ZC3H18: variants seen among roughly 807,000 people sequenced by gnomAD.
The protein encoded by ZC3H18 is zinc finger CCCH domain-containing protein 18.
ZC3H18 carries 8 observed loss-of-function variants against 106.1 expected under a neutral mutation model. The observed-to-expected ratio is 0.08, with a 90% CI of 0.04 to 0.14. The LOEUF is 0.14. Among genes scored for constraint, ZC3H18 ranks in the 10% least tolerant of loss-of-function variants. The pLI is 1.00. For synonymous variants in ZC3H18, 635 were observed against 522.1 expected (o/e 1.22, Z -2.95); for missense variants, 1,318 against 1,278.4 (o/e 1.03, Z -0.47).
chr16:88,583,901 GA>G lies in ZC3H18; in HGVS notation c.604-2697del, dbSNP rs1387442617. On this transcript the variant is annotated intron_variant, in intron 2 of 17. Coordinates refer to ENST00000301011, the MANE Select transcript of ZC3H18 (RefSeq NM_144604.4). ...CTCTGTGGCTCGGGTCACATGAGCA[GA>G]AGGCCATCGGCGTGAGGGAAACCAG... 3.3e-5 allele frequency among the ~76,000 whole-genome samples: 5 copies of G among 152,170 alleles called. No individual in the cohort carries two copies. The East Asian group carries it at 5.8e-4, about 18-fold the overall frequency.
intron 1 of ZC3H18, among the ~76,000 whole-genome samples, chr16:88,574,211 T>C (rs1171822491): frequency 6.6e-6 from 1 of 151,648 alleles, no homozygotes; most frequent in East Asian, 1.9e-4. Context: ...TTTAAATGAT[T>C]TGAATTTTCT....
intron 2 of ZC3H18, among the ~76,000 whole-genome samples, chr16:88,583,631 C>T (rs1915267694): frequency 6.6e-6 from 1 of 152,296 alleles, no homozygotes. Context: ...GCCTGGTGTC[C>T]TTTATCCACG....
chr16:88,577,888 T>C (rs144400224), intron 2 of ZC3H18, among the ~76,000 whole-genome samples, 162 bp downstream of exon 2: 3 of 152,248 alleles, frequency 2.0e-5, no homozygotes, highest in African/African-American at 7.2e-5. Context: ...CCCATAGTGA[T>C]TGGAGAGAAA....
intron 6 of ZC3H18, among the ~76,000 whole-genome samples, chr16:88,605,620 C>A (rs1904975076): frequency 6.6e-6 from 1 of 152,260 alleles, no homozygotes; most frequent in Admixed American, 6.5e-5. Context: ...ATGCAAGTTG[C>A]ATTTCATTGT....
In ZC3H18 at chr16:88,624,770, C is replaced by T. The variant is rs752710170; in HGVS notation, c.2042+25C>T. The T allele has an allele frequency of 8.2e-6, 13 of 1,592,686 alleles. No individual in the cohort carries two copies. The South Asian group carries it at 1.3e-4, about 17-fold the overall frequency. ...GGTGAGCACTCCGGCGTCCGGGGCC[C>T]TCAGGCTTTCCGTGTTCTTGGTGCC... On this transcript the variant is annotated intron_variant, in intron 12 of 17. Coordinates refer to ENST00000301011, the MANE Select transcript of ZC3H18 (RefSeq NM_144604.4).
intron 6 of ZC3H18, among the ~76,000 whole-genome samples, chr16:88,600,866 T>TA (rs1904712483): frequency 6.6e-6 from 1 of 152,240 alleles, no homozygotes; most frequent in Non-Finnish European, 1.5e-5. Context: ...GGAACTGGAT[T>TA]ATAATTCGGG....
intron 17 of ZC3H18, 34 bp downstream of exon 17, chr16:88,630,615 C>T (rs555414193): frequency 7.7e-6 from 12 of 1,554,906 alleles, no homozygotes; most frequent in Middle Eastern, 1.8e-4. Context: ...CTGGGCACAC[C>T]GAGGGGGCCA....
At chr16:88,579,853 A>G (rs1914999823) in intron 2 of ZC3H18, among the ~76,000 whole-genome samples, 1 of 152,184 alleles carries the variant, frequency 6.6e-6, no homozygotes, top group Admixed American at 6.5e-5. Context: ...ACACCAGCAC[A>G]GGTGGACCTT....
Position 88,623,046 on chromosome 16 carries a change from G to C in ZC3H18, c.1668-173G>C. ...GAGGGATGGCACTGAAGAGTGTCTG[G>C]GGGAGGCTGTATGCGTCTGTGCGCG... On this transcript the variant is annotated intron_variant, in intron 9 of 17. Coordinates refer to ENST00000301011, the MANE Select transcript of ZC3H18 (RefSeq NM_144604.4). 5.9e-6 allele frequency: 5 copies of C among 852,840 alleles called. No homozygotes were observed. In the East Asian group the frequency reaches 1.4e-4, roughly 23 times the overall value. The allele number at this position is 852,840 out of a possible 1,614,324, so 52.8% of individuals were successfully genotyped here. A position where few individuals can be genotyped will look rare whatever the true frequency, so the allele number is the denominator to read the frequency against.
intron 8 of ZC3H18, among the ~76,000 whole-genome samples, chr16:88,616,815 C>T (rs991469288): frequency 5.3e-5 from 8 of 152,134 alleles, no homozygotes; most frequent in Admixed American, 1.3e-4. Flanking sequence ...AAGCAGAACA[C>T]GAATGAGGGG....
Position 88,577,421 on chromosome 16 carries a change from G to A in ZC3H18, c.298G>A (p.Glu100Lys), listed in dbSNP as rs376024897. Residue 100 changes from glutamate to lysine, a missense_variant, in exon 2 of 18, where the codon GAG (glutamate) becomes AAG (lysine). Around this residue, in one of 6 missense-constraint regions of ZC3H18, gnomAD observed 346 missense variants for 269.0 expected, o/e 1.29. Coordinates refer to ENST00000301011, the MANE Select transcript of ZC3H18 (RefSeq NM_144604.4). The part of the protein sequence containing the change: ...RGPTSSPCEE[E>K]GDEGEEDRTS... ...CCCGACCAGCTCCCCCTGCGAGGAG[G>A]AGGGGGACGAAGGGGAGGAAGACCG... 1.4e-5 allele frequency: 22 copies of A among 1,605,654 alleles called. No individual in the cohort carries two copies. The highest frequency in any genetic ancestry group is 1.9e-5 in the Non-Finnish European group (22 of 1,174,930).
Position 88,627,528 on chromosome 16 carries a change from A to G in ZC3H18, c.2109-94A>G. On this transcript the variant is annotated intron_variant, in intron 13 of 17. Coordinates refer to ENST00000301011, the MANE Select transcript of ZC3H18 (RefSeq NM_144604.4). This position sits in a 1 kb window ranked among gnomAD's most constrained non-coding sequence, Gnocchi z 4.5. ...CATTCCGTGGGTACATGATCCATAA[A>G]TGGACACTGCGTAAAAGTGGACCAT... is the stretch of plus-strand genomic sequence containing the variant. 1.3e-6 allele frequency: 2 copies of G among 1,491,268 alleles called. No individual in the cohort carries two copies. The highest frequency in any genetic ancestry group is 2.3e-5 in the East Asian group (1 of 43,684). The allele number at this position is 1,491,268 out of a possible 1,614,324, so 92.4% of individuals were successfully genotyped here.
At chr16:88,579,525 C>T (rs1914978883) in intron 2 of ZC3H18, among the ~76,000 whole-genome samples, 1 of 152,172 alleles carries the variant, frequency 6.6e-6, no homozygotes, top group Non-Finnish European at 1.5e-5. Context: ...ACTGTGAGTT[C>T]TCAGTGCCGC....
intron 6 of ZC3H18, among the ~76,000 whole-genome samples, chr16:88,607,389 C>G (rs543869990): frequency 2.0e-5 from 3 of 152,136 alleles, no homozygotes; most frequent in Non-Finnish European, 2.9e-5. Context: ...ACTTGGGTGT[C>G]AGCTTGTCTG....
In ZC3H18 at chr16:88,577,587, A is replaced by C. The variant is rs1165903734; in HGVS notation, c.464A>C (p.Asp155Ala). 1 of 1,613,682 alleles carries C rather than the reference A, an allele frequency of 6.2e-7. No individual in the cohort carries two copies. The highest frequency in any genetic ancestry group is 8.5e-7 in the Non-Finnish European group (1 of 1,179,870). ...DEAEKAGAEDDEEKGEGTPRE... is the reference protein window; with the variant it reads ...DEAEKAGAEDAEEKGEGTPRE... The stretch of plus-strand genomic sequence containing the variant: ...GCTGAGAAAGCGGGGGCTGAGGATG[A>C]TGAGGAGAAAGGCGAAGGCACTCCC... The change falls in exon 2 of 18, where the codon GAT becomes GCT. Residue 155 changes from aspartate (D) to alanine (A), a missense_variant. Coordinates refer to ENST00000301011, the MANE Select transcript of ZC3H18 (RefSeq NM_144604.4).
chr16:88,625,021 A>G (rs1906214752), intron 12 of ZC3H18, among the ~76,000 whole-genome samples, 181 bp from the exon 13 acceptor site: 1 of 152,094 alleles, frequency 6.6e-6, no homozygotes, highest in Non-Finnish European at 1.5e-5. Flanking sequence ...TGCCCCCGAG[A>G]GACTGTACTT....
chr16:88,590,305 T>TTAG (rs1202748455), intron 3 of ZC3H18, among the ~76,000 whole-genome samples: 2 of 152,198 alleles, frequency 1.3e-5, no homozygotes, highest in East Asian at 3.9e-4. Context: ...ATTTAATCGC[T>TTAG]TAGTGGACAC....
chr16:88,572,724 T>C (rs1401403896), intron 1 of ZC3H18, among the ~76,000 whole-genome samples: 2 of 151,920 alleles, frequency 1.3e-5, no homozygotes, highest in Admixed American at 6.6e-5. Context: ...CATTTCATTG[T>C]CTACACTTAA....
chr16:88,623,499 C>G, intron 10 of ZC3H18, 155 bp downstream of exon 10: 2 of 1,003,682 alleles, frequency 2.0e-6, no homozygotes, highest in Non-Finnish European at 2.8e-6. Context: ...TGTCCTGTGT[C>G]CCCCACCAAA....
Sources: gnomAD v4.1 joint callset for allele counts (sites outside exome capture counted in the v4.1 genomes callset) on GRCh38, gnomAD v4.1.1 for gene constraint, gnomAD v4.1.1 regional missense constraint, Gnocchi (gnomAD v3.1) non-coding constraint, MANE v1.5 for transcripts, NCBI Gene and HGNC (gene_info 2026-07-23, HGNC 2026-07-21) for gene names.